AAMDC: variants seen among roughly 807,000 people sequenced by gnomAD.
The protein encoded by AAMDC is mth938 domain-containing protein.
AAMDC carries 16 observed loss-of-function variants against 15.5 expected under a neutral mutation model. That is an observed-to-expected ratio of 1.03 (90% CI 0.70 to 1.57). The LOEUF (loss-of-function observed/expected upper bound fraction) is 1.57, where lower values mean the gene tolerates loss of function less well. AAMDC is among the 40% of genes most tolerant of loss of function. AAMDC has a pLI of 0.00. For synonymous variants in AAMDC, 51 were observed against 51.6 expected (o/e 0.99, Z 0.05); for missense variants, 141 against 144.9 (o/e 0.97, Z 0.14).
chr11:77,880,805 A>G (rs1951762197), intron 5 of AAMDC, among the ~76,000 whole-genome samples: 1 of 152,144 alleles, frequency 6.6e-6, no homozygotes, highest in Non-Finnish European at 1.5e-5. Flanking sequence ...AAAAATAAAA[A>G]TAATTAGCCA....
intron 5 of AAMDC, chr11:77,894,172 T>C (rs1489456006): frequency 1.2e-5 from 7 of 600,244 alleles, no homozygotes; most frequent in Admixed American, 3.7e-5. Context: ...CCACAGATGA[T>C]AGCTTGGCTG....
intron 1 of AAMDC, among the ~76,000 whole-genome samples, chr11:77,827,675 C>T (rs879250951): frequency 1.3e-5 from 2 of 152,150 alleles, no homozygotes; most frequent in Non-Finnish European, 2.9e-5. Flanking sequence ...ATATGGAATG[C>T]TGAAAACTAA....
At chr11:77,878,317 A>G (rs934525457) in intron 5 of AAMDC, among the ~76,000 whole-genome samples, 15 of 151,562 alleles carry the variant, frequency 9.9e-5, no homozygotes, top group Non-Finnish European at 1.3e-4. Context: ...AGCCAAGATC[A>G]CGCCACTGCA....
At chr11:77,874,753 T>C (rs1405369300), downstream of AAMDC, among the ~76,000 whole-genome samples, 1 of 152,118 alleles carries the variant, frequency 6.6e-6, no homozygotes, top group Non-Finnish European at 1.5e-5. Flanking sequence ...AGACAAGAAG[T>C]TGGCCGGGTG....
chr11:77,875,749 C>A (rs74349892), downstream of AAMDC, among the ~76,000 whole-genome samples: 3 of 152,086 alleles, frequency 2.0e-5, no homozygotes, highest in Non-Finnish European at 4.4e-5. Context: ...ATAAGAGACA[C>A]AGATATGTCC....
chr11:77,848,904 T>C (rs1437701557), intron 2 of AAMDC, among the ~76,000 whole-genome samples: 1 of 152,108 alleles, frequency 6.6e-6, no homozygotes, highest in Non-Finnish European at 1.5e-5. Flanking sequence ...TCCAGCCTGC[T>C]CTTATCATCC....
At position 77,842,459 on chromosome 11, in the gene AAMDC, T is replaced by C. The variant is rs1251907873; in HGVS notation, c.-18-20T>C. 7 of 1,606,916 alleles carry C rather than the reference T, an allele frequency of 4.4e-6. No individual in the cohort carries two copies. Among genetic ancestry groups the C allele is most frequent in the South Asian group, 1.1e-5 (1 of 90,006 alleles). ...GCCTTACTTTATAACTGATTTAGTA[T>C]ATTTTTCTTTTAATTTCAGACTTCA... On this transcript the variant is annotated intron_variant, in intron 1 of 3. Transcript: ENST00000393427.
intron 1 of AAMDC, among the ~76,000 whole-genome samples, chr11:77,840,023 A>G (rs1949860568): frequency 6.6e-6 from 1 of 152,136 alleles, no homozygotes; most frequent in Non-Finnish European, 1.5e-5. Flanking sequence ...GGAAAGCAAA[A>G]AAGCAAAATA....
chr11:77,860,244 T>C (rs1206699219), intron 2 of AAMDC, among the ~76,000 whole-genome samples: 2 of 152,332 alleles, frequency 1.3e-5, no homozygotes, highest in East Asian at 3.9e-4. Flanking sequence ...CCTTACTAAA[T>C]GGGTATTGCT....
At chr11:77,875,653 G>T (rs1052353799), downstream of AAMDC, among the ~76,000 whole-genome samples, 5 of 152,144 alleles carry the variant, frequency 3.3e-5, no homozygotes, top group African/African-American at 1.2e-4. Context: ...TTGTGAACCT[G>T]CAATGCCATA....
At chr11:77,877,606 G>A (rs146182592) in intron 5 of AAMDC, among the ~76,000 whole-genome samples, 26 of 152,290 alleles carry the variant, frequency 1.7e-4, no homozygotes, top group African/African-American at 6.3e-4. Flanking sequence ...TCTTGGATTT[G>A]AATGAATACA....
At chr11:77,833,591 T>C (rs762020093) in intron 1 of AAMDC, among the ~76,000 whole-genome samples, 18 of 152,144 alleles carry the variant, frequency 1.2e-4, no homozygotes, top group Non-Finnish European at 4.4e-5. Flanking sequence ...TCCTAACAGA[T>C]CACGGACTGG....
At chr11:77,831,634 G>A (rs1949428630) in intron 1 of AAMDC, among the ~76,000 whole-genome samples, 1 of 151,388 alleles carries the variant, frequency 6.6e-6, no homozygotes, top group Non-Finnish European at 1.5e-5. Flanking sequence ...GCTTACTATG[G>A]GATGTAATTT....
chr11:77,828,291 C>G (rs1320817911), intron 1 of AAMDC, among the ~76,000 whole-genome samples: 1 of 151,486 alleles, frequency 6.6e-6, no homozygotes, highest in Non-Finnish European at 1.5e-5. Flanking sequence ...ACAAAATACA[C>G]AAACAGCAAA....
chr11:77,881,875 T>C (rs1416398091), intron 5 of AAMDC, among the ~76,000 whole-genome samples: 1 of 151,992 alleles, frequency 6.6e-6, no homozygotes. Flanking sequence ...GTAGCGACCA[T>C]TCAGAGGAGG....
At chr11:77,855,907 C>T (rs1302380134) in intron 2 of AAMDC, among the ~76,000 whole-genome samples, 1 of 152,000 alleles carries the variant, frequency 6.6e-6, no homozygotes, top group Non-Finnish European at 1.5e-5. Context: ...TGCTTAAGTT[C>T]AGGAGTTCAA....
chr11:77,898,233 G>C (rs1396899842), intron 5 of AAMDC, among the ~76,000 whole-genome samples: 2 of 152,018 alleles, frequency 1.3e-5, no homozygotes, highest in African/African-American at 4.8e-5. Context: ...GTGCGATCTC[G>C]GCTCACTGCA....
intron 2 of AAMDC, among the ~76,000 whole-genome samples, chr11:77,857,990 G>A (rs560234242): frequency 2.6e-5 from 4 of 152,048 alleles, no homozygotes; most frequent in East Asian, 3.9e-4. Context: ...CAACGTGCCC[G>A]GCCATCATCT....
chr11:77,832,951 ATGTGTGTGTGTGTGTGTGTGTG>A (rs146936151), intron 1 of AAMDC, among the ~76,000 whole-genome samples: 2 of 68,418 alleles, frequency 2.9e-5, no homozygotes, highest in African/African-American at 1.3e-4. Flanking sequence ...GTATATATAT[ATGTGTGTGTGTGTGTGTGTGTG>A]TGTGTGTGTG....
Sources: gnomAD v4.1 joint callset for allele counts (sites outside exome capture counted in the v4.1 genomes callset) on GRCh38, gnomAD v4.1.1 for gene constraint, MANE v1.5 for transcripts, NCBI Gene and HGNC (gene_info 2026-07-23, HGNC 2026-07-21) for gene names.